The following PNPLA7 variants were observed in gnomAD, a reference collection of about 807,000 sequenced individuals.
The protein encoded by PNPLA7 is patatin like domain 7, lysophospholipase.
Under a neutral mutation model 161.7 loss-of-function variants are expected in PNPLA7, and 153 were observed. The observed-to-expected ratio is 0.95, with a 90% CI of 0.83 to 1.08. The LOEUF (loss-of-function observed/expected upper bound fraction) is 1.08, where lower values mean the gene tolerates loss of function less well. Ranked by LOEUF, PNPLA7 falls within the 50% of genes least tolerant of loss-of-function variation. The pLI is 0.00. For missense variants in PNPLA7, 1,739 were observed against 1,856.6 expected (o/e 0.94, Z 1.16); for synonymous variants, 809 against 782.1 (o/e 1.03, Z -0.57).
Position 137,463,466 on chromosome 9 carries a change from G to T in PNPLA7, c.3292C>A (p.Pro1098Thr). ...TCCATCAGCAGGTGTCCGTCCTTCG[G>T]GTCACAGAGAGGGGGCATGTAACCG... is the stretch of plus-strand genomic sequence containing the variant. ...LSGYMPPLCDPKDGHLLMDGG... is the reference protein window; with the variant it reads ...LSGYMPPLCDTKDGHLLMDGG... The change falls in exon 29 of 35, where the codon CCG becomes ACG. Residue 1098 changes from proline to threonine, a missense_variant. Coordinates refer to ENST00000406427, the MANE Select transcript of PNPLA7 (RefSeq NM_001098537.3). The T allele has an allele frequency of 1.3e-6, 2 of 1,596,468 alleles. No individual in the cohort carries two copies. Among genetic ancestry groups the T allele is most frequent in the Non-Finnish European group, 8.5e-7 (1 of 1,171,650 alleles).
At position 137,464,214 on chromosome 9, in the gene PNPLA7, C is replaced by T; in HGVS notation, c.3157-19G>A. On this transcript the variant is annotated intron_variant, in intron 27 of 34. Transcript: ENST00000406427. ...ACAGGTCCTGCGGGCGGACGGGGCT[C>T]AGATGGGCCCTCTCCCATCACGCTC... 1 of 1,613,428 alleles carries T rather than the reference C, an allele frequency of 6.2e-7. No homozygotes were observed. The highest frequency in any genetic ancestry group is 8.5e-7 in the Non-Finnish European group (1 of 1,179,794).
At chr9:137,495,233 A>G (rs1832990139) in intron 18 of PNPLA7, 87 bp from the exon 19 acceptor site, 8 of 890,896 alleles carry the variant, frequency 9.0e-6, no homozygotes, top group Middle Eastern at 2.6e-4. Flanking sequence ...GGTGCCTGCC[A>G]GAGCCACACA....
chr9:137,470,410 T>C (rs1173191463), intron 25 of PNPLA7, among the ~76,000 whole-genome samples: 1 of 152,128 alleles, frequency 6.6e-6, no homozygotes, highest in East Asian at 1.9e-4. Flanking sequence ...ACTTTCTTTG[T>C]GGGGATTTAA....
At chr9:137,516,574 C>A (rs1368415739) in intron 11 of PNPLA7, 1 of 968,428 alleles carries the variant, frequency 1.0e-6, no homozygotes, top group Admixed American at 6.2e-5. Flanking sequence ...TTTGGGAGGC[C>A]AAGGTGGGAG....
At chr9:137,519,543 T>C (rs1564345889) in intron 11 of PNPLA7, among the ~76,000 whole-genome samples, 6 of 151,960 alleles carry the variant, frequency 3.9e-5, no homozygotes, top group Admixed American at 3.3e-4. Flanking sequence ...CCAGCCCACA[T>C]GTGAGGAGAT....
intron 26 of PNPLA7, among the ~76,000 whole-genome samples, chr9:137,465,871 C>T (rs941462398): frequency 1.3e-5 from 2 of 152,198 alleles, no homozygotes; most frequent in Non-Finnish European, 2.9e-5. Flanking sequence ...ACGGTGGCCA[C>T]GTCTGCTGGG....
At chr9:137,514,250 G>A (rs1376985025) in intron 12 of PNPLA7, among the ~76,000 whole-genome samples, 2 of 146,704 alleles carry the variant, frequency 1.4e-5, no homozygotes, top group African/African-American at 2.6e-5. Context: ...TGGCTGGGCT[G>A]TGGGTGGGTC....
intron 11 of PNPLA7, among the ~76,000 whole-genome samples, chr9:137,519,275 A>C (rs1020849738): frequency 2.0e-5 from 3 of 152,302 alleles, no homozygotes; most frequent in African/African-American, 7.2e-5. Flanking sequence ...TCGTGGGGTG[A>C]CTCATGCAGT....
chr9:137,498,493 G>A (rs556466497), intron 16 of PNPLA7, among the ~76,000 whole-genome samples: 64 of 152,368 alleles, frequency 4.2e-4, no homozygotes, highest in Admixed American at 1.5e-3. Context: ...TGGCAGGCCC[G>A]CGAGTGCCCC....
intron 12 of PNPLA7, among the ~76,000 whole-genome samples, chr9:137,510,314 G>A (rs1834154970): frequency 6.6e-6 from 1 of 152,216 alleles, no homozygotes; most frequent in East Asian, 1.9e-4. Flanking sequence ...CTGTGATGCT[G>A]TGCTTCAGTG....
intron 9 of PNPLA7, among the ~76,000 whole-genome samples, chr9:137,522,152 G>A (rs1835031386): frequency 6.6e-6 from 1 of 152,210 alleles, no homozygotes; most frequent in Admixed American, 6.5e-5. Context: ...TCGGCTCACT[G>A]CAAGCTCCGC....
chr9:137,486,123 C>T lies in PNPLA7; in HGVS notation c.2198-1387G>A, dbSNP rs1306791431. Among the ~76,000 whole-genome samples, 2 of 152,010 alleles carry T rather than the reference C, an allele frequency of 1.3e-5. No homozygotes were observed. The highest frequency in any genetic ancestry group is 2.9e-5 in the Non-Finnish European group (2 of 68,010). The stretch of plus-strand genomic sequence containing the variant: ...TCCCCTGGCCTATGTCTCCCGTCCC[C>T]AGTGAGGTGGCTTCCAAAATCCACC... On this transcript the variant is annotated intron_variant, in intron 20 of 34. Coordinates refer to ENST00000406427, the MANE Select transcript of PNPLA7 (RefSeq NM_001098537.3). The surrounding 1 kb of genome is among the most constrained non-coding windows in gnomAD (Gnocchi z 6.0).
At chr9:137,498,852 C>T (rs1194315787) in intron 16 of PNPLA7, among the ~76,000 whole-genome samples, 8 of 152,150 alleles carry the variant, frequency 5.3e-5, no homozygotes, top group South Asian at 2.1e-4. Flanking sequence ...GTGAGAGTGA[C>T]GCCGGGCGAC....
At position 137,540,350 on chromosome 9, in the gene PNPLA7, A is replaced by C. The variant is rs183463519; in HGVS notation, c.747+292T>G. On this transcript the variant is annotated intron_variant, in intron 8 of 34. Coordinates refer to ENST00000406427, the MANE Select transcript of PNPLA7 (RefSeq NM_001098537.3). This position sits in a 1 kb window ranked among gnomAD's most constrained non-coding sequence, Gnocchi z 5.1. The stretch of plus-strand genomic sequence containing the variant: ...GGAGAAAACGCCTTCCCTCTACAAC[A>C]CTTTGTGCCTTTTGAATGCTGAACC... Among the ~76,000 whole-genome samples, 89 of 152,224 alleles carry C rather than the reference A, an allele frequency of 5.8e-4. No homozygotes were observed. Among genetic ancestry groups the C allele is most frequent in the African/African-American group, 2.4e-5 (1 of 41,536 alleles).
intron 23 of PNPLA7, among the ~76,000 whole-genome samples, chr9:137,480,048 G>A (rs1034456002): frequency 3.3e-5 from 5 of 152,254 alleles, no homozygotes; most frequent in African/African-American, 7.2e-5. Context: ...AAGGCTTCCC[G>A]CACCTGCTGT....
At chr9:137,465,383 C>G (rs1456579429) in intron 26 of PNPLA7, among the ~76,000 whole-genome samples, 1 of 152,154 alleles carries the variant, frequency 6.6e-6, no homozygotes, top group African/African-American at 2.4e-5. Context: ...AGAGGACCAG[C>G]CCAGAGAGCT....
At chr9:137,534,621 G>A (rs1194168901) in intron 8 of PNPLA7, among the ~76,000 whole-genome samples, 1 of 152,180 alleles carries the variant, frequency 6.6e-6, no homozygotes, top group Non-Finnish European at 1.5e-5. Context: ...ATGAAGGAAA[G>A]AGCCAGCGTC....
At chr9:137,503,610 AAGG>A (rs923196114) in intron 14 of PNPLA7, among the ~76,000 whole-genome samples, 2 of 119,514 alleles carry the variant, frequency 1.7e-5, no homozygotes, top group Non-Finnish European at 3.4e-5. Flanking sequence ...AAGGAGGAAG[AAGG>A]AGGAGGGAGA....
intron 12 of PNPLA7, among the ~76,000 whole-genome samples, chr9:137,511,065 GCT>G (rs1231028285): frequency 6.6e-6 from 1 of 152,256 alleles, no homozygotes; most frequent in Admixed American, 6.5e-5. Flanking sequence ...AAGAGTGTGA[GCT>G]CTCTGTCACG....
Sources: allele counts gnomAD v4.1 joint callset (sites outside exome capture counted in the v4.1 genomes callset), GRCh38; gene constraint gnomAD v4.1.1; non-coding constraint Gnocchi (gnomAD v3.1); transcripts MANE v1.5; gene names NCBI Gene and HGNC (gene_info 2026-07-23, HGNC 2026-07-21).